Variants in GPR179 observed in about 807,000 individuals in gnomAD.
GPR179 encodes the protein probable G protein-coupled receptor 179.
A neutral mutation model predicts 70.8 loss-of-function variants in GPR179; 52 were observed. The observed-to-expected ratio is 0.73, with a 90% CI of 0.59 to 0.93. The LOEUF (loss-of-function observed/expected upper bound fraction) is 0.93. Ranked by LOEUF, GPR179 falls within the 40% of genes least tolerant of loss-of-function variation. GPR179 has a pLI of 0.00. For synonymous variants in GPR179, 1,123 were observed against 1,169.0 expected, an observed-to-expected ratio of 0.96 and a Z score of 0.80; for missense variants, 2,734 against 2,966.8, an observed-to-expected ratio of 0.92 and a Z score of 1.82.
chr17:38,328,984 T>A lies in GPR179; in HGVS notation c.4585A>T (p.Ser1529Cys), dbSNP rs1482318595. The A allele has an allele frequency of 3.1e-6, 5 of 1,614,054 alleles. No homozygotes were observed. The African/African-American group carries it at 6.7e-5, about 22-fold the overall frequency. The change falls in exon 11 of 11, where the codon AGT becomes TGT. Residue 1529 changes from serine (S) to cysteine (C), a missense_variant. By Grantham distance (112) the Ser-to-Cys change is moderately radical (BLOSUM62 -1). Coordinates refer to ENST00000616987, the MANE Select transcript of GPR179 (RefSeq NM_001004334.4). ...EQTVKAVQKLSQQQESVCPRE... is the reference protein window; with the variant it reads ...EQTVKAVQKLCQQQESVCPRE... Reference sequence around the variant, plus strand: ...GGACAAACTGACTCCTGCTGTTGACTTAATTTCTGCACTGCTTTCACAGTT... The same window carrying A: ...GGACAAACTGACTCCTGCTGTTGACATAATTTCTGCACTGCTTTCACAGTT...
At chr17:38,336,263 C>A in intron 4 of GPR179, 119 bp from the exon 5 acceptor site, 1 of 718,768 alleles carries the variant, frequency 1.4e-6, no homozygotes, top group South Asian at 1.5e-5. Flanking sequence ...GTAACACTGG[C>A]TCTGCCCTCT....
Position 38,326,647 on chromosome 17 carries a change from C to G in GPR179, c.6922G>C (p.Gly2308Arg). Residue 2308 changes from glycine to arginine, a missense_variant, in exon 11 of 11, where the codon GGT becomes CGT. Coordinates refer to ENST00000616987, the MANE Select transcript of GPR179 (RefSeq NM_001004334.4). ...SRPASTFTLE[G>R]VRELQGPSGL... ...GAAGGTCCTTGTAGTTCTCTGACAC[C>G]TTCTAGAGTGAAAGTACTGGCTGGC... 6.2e-7 allele frequency: 1 copy of G among 1,614,192 alleles called. No individual in the cohort carries two copies. The highest frequency in any genetic ancestry group is 1.3e-5 in the African/African-American group (1 of 75,050).
chr17:38,327,065 G>A lies in GPR179; in HGVS notation c.6504C>T (p.His2168=). 6.2e-7 allele frequency: 1 copy of A among 1,614,198 alleles called. No homozygotes were observed. Among genetic ancestry groups the A allele is most frequent in the Non-Finnish European group, 8.5e-7 (1 of 1,180,042 alleles). Residue 2168 remains histidine (H), a synonymous_variant, in exon 11 of 11, where the codon CAC becomes CAT. Coordinates refer to ENST00000616987, the MANE Select transcript of GPR179 (RefSeq NM_001004334.4). ...QKAGPGGTEE[H]FSKAAAKPRE... Reference sequence around the variant, plus strand: ...TGGGCTTTGCTGCTGCTTTTGAGAAGTGTTCTTCCGTCCCTCCAGGTCCTG... The same window carrying A: ...TGGGCTTTGCTGCTGCTTTTGAGAAATGTTCTTCCGTCCCTCCAGGTCCTG...
At chr17:38,337,783 C>CA in intron 2 of GPR179, 63 bp from the exon 3 acceptor site, 1 of 1,445,118 alleles carries the variant, frequency 6.9e-7, no homozygotes, top group Non-Finnish European at 9.7e-7. Flanking sequence ...GCTTTCCCTC[C>CA]TGGGAGAGAT....
In GPR179 at chr17:38,340,691, G is replaced by A. The variant is rs1437053450; in HGVS notation, c.795-1166C>T. Among the ~76,000 whole-genome samples the A allele has an allele frequency of 3.3e-5, 5 of 152,326 alleles. No individual in the cohort carries two copies. In the South Asian group the frequency reaches 6.2e-4, roughly 19 times the overall value. On this transcript the variant is annotated intron_variant, in intron 1 of 10. Transcript: ENST00000616987. ...CCAGCACTTTGGGAGGCCGAGGCAG[G>A]TGCATAATCTGAGACCAGGAGTTCG... is the stretch of plus-strand genomic sequence containing the variant.
Position 38,330,305 on chromosome 17 carries a change from C to T in GPR179, c.3264G>A (p.Gly1088=), listed in dbSNP as rs771279313. The change falls in exon 11 of 11, where the codon GGG becomes GGA. Residue 1088 remains glycine (G), a synonymous_variant. Transcript: ENST00000616987. ...AACGGGTCAGAGCTTTAATCGCCAG[C>T]CCCAGGCTGCGCATGGAACCCTGCT... The part of the protein sequence containing the change: ...PVQQGSMRSL[G]LAIKALTRSR... 7 of 1,612,886 alleles carry T rather than the reference C, an allele frequency of 4.3e-6. No homozygotes were observed. Among genetic ancestry groups the T allele is most frequent in the Non-Finnish European group, 5.1e-6 (6 of 1,179,336 alleles).
Position 38,327,702 on chromosome 17 carries a change from G to A in GPR179, c.5867C>T (p.Ser1956Phe), listed in dbSNP as rs2144255715. 2 of 1,614,234 alleles carry A rather than the reference G, an allele frequency of 1.2e-6. No individual in the cohort carries two copies. The highest frequency in any genetic ancestry group is 1.1e-5 in the South Asian group (1 of 91,092). The change falls in exon 11 of 11, where the codon TCC (serine) becomes TTC (phenylalanine). Residue 1956 changes from serine (S) to phenylalanine (F), a missense_variant. Physicochemically the swap from Ser to Phe is radical, Grantham distance 155. Transcript: ENST00000616987. ...GGCAGTGGTCTCCCATGGACAGACG[G>A]ATTGTAGCTCATGGCTTGTTTTTTC... is the stretch of plus-strand genomic sequence containing the variant. ...DGEKTSHELQ[S>F]VCPWETTAPA... is the part of the protein sequence containing the mutation.
intron 4 of GPR179, among the ~76,000 whole-genome samples, 199 bp from the exon 5 acceptor site, chr17:38,336,343 G>T (rs1219959492): frequency 6.6e-6 from 1 of 152,180 alleles, no homozygotes; most frequent in Non-Finnish European, 1.5e-5. Flanking sequence ...TAAGGCCAAG[G>T]TTTTACATCA....
rs199510603 is a variant in GPR179 at position 38,329,120 on chromosome 17, C to T, written c.4449G>A (p.Leu1483=). 4.8e-5 allele frequency: 77 copies of T among 1,611,020 alleles called. No individual in the cohort carries two copies. The highest frequency in any genetic ancestry group is 6.4e-5 in the Non-Finnish European group (75 of 1,179,140). ...IQKAEICPWE[L]DDNVMGQEML... is the part of the protein sequence containing the mutation. ...TTTCCTGCCCCATCACGTTATCATC[C>T]AGCTCCCAGGGACAGATCTCTGCTT... is the stretch of plus-strand genomic sequence containing the variant. The change falls in exon 11 of 11, where the codon CTG becomes CTA. Residue 1483 remains leucine (L), a synonymous_variant. Coordinates refer to ENST00000616987, the MANE Select transcript of GPR179 (RefSeq NM_001004334.4).
chr17:38,332,404 T>C (rs902480700), intron 10 of GPR179, among the ~76,000 whole-genome samples: 5 of 152,196 alleles, frequency 3.3e-5, no homozygotes, highest in Non-Finnish European at 7.3e-5. Flanking sequence ...TTCTGGTGAC[T>C]ATAATGATCC....
chr17:38,335,659 G>A lies in GPR179; in HGVS notation c.1338C>T (p.Ile446=), dbSNP rs960166683. The change falls in exon 6 of 11, where the codon ATC becomes ATT. Residue 446 remains isoleucine, a synonymous_variant. Transcript: ENST00000616987. ...LYFKPSVFRC[I]ALRWVRLLGF... The stretch of plus-strand genomic sequence containing the variant: ...CCAGCAGCCGCACCCAGCGAAGAGC[G>A]ATGCAGCGGAATACACTGGGCTTGA... 6.8e-6 allele frequency: 11 copies of A among 1,614,016 alleles called. No homozygotes were observed. In the African/African-American group the frequency reaches 8.0e-5, roughly 12 times the overall value.
At position 38,330,809 on chromosome 17, in the gene GPR179, A is replaced by C. The variant is rs1385451781; in HGVS notation, c.2760T>G (p.Leu920=). Residue 920 remains leucine (L), a synonymous_variant, in exon 11 of 11, where the codon CTT becomes CTG. Transcript: ENST00000616987. ...SVDSSHTSGR[L]HEEARRRLPH... is the part of the protein sequence containing the mutation. Reference sequence around the variant, plus strand: ...GCAGCCTTCTCCTAGCCTCCTCATGAAGCCTCCCAGAGGTGTGAGAGCTGT... The same window carrying C: ...GCAGCCTTCTCCTAGCCTCCTCATGCAGCCTCCCAGAGGTGTGAGAGCTGT... 1.9e-6 allele frequency: 3 copies of C among 1,604,838 alleles called. No individual in the cohort carries two copies. In the East Asian group the frequency reaches 6.7e-5, roughly 36 times the overall value.
Position 38,330,674 on chromosome 17 carries a change from C to T in GPR179, c.2895G>A (p.Leu965=), listed in dbSNP as rs200583958. The change falls in exon 11 of 11, where the codon CTG becomes CTA. Residue 965 remains leucine (L), a synonymous_variant. Coordinates refer to ENST00000616987, the MANE Select transcript of GPR179 (RefSeq NM_001004334.4). ...SPTSTLAPAL[L]PALAPTPAPA... The stretch of plus-strand genomic sequence containing the variant: ...GGGCTGGGGTTGGAGCTAGAGCTGG[C>T]AGCAGAGCTGGAGCCAAGGTGGAGG... 247 of 1,601,108 alleles carry T rather than the reference C, an allele frequency of 1.5e-4. No individual in the cohort carries two copies. The African/African-American group carries it at 3.0e-3, about 19-fold the overall frequency.
rs189931659 is a variant in GPR179 at position 38,337,665 on chromosome 17, C to T, written c.959G>A (p.Arg320Gln). 5,181 of 1,613,516 alleles carry T rather than the reference C, an allele frequency of 3.2e-3. 11 individuals carry two copies. The highest frequency in any genetic ancestry group is 3.9e-3 in the Non-Finnish European group (4,644 of 1,179,758). The part of the protein sequence containing the change: ...FVLGRYLCRC[R>Q]PGFYGASPSG... ...GGGGCTTGCCCCGTAGAATCCAGGT[C>T]GGCAGCGGCAGAGGTAGCGGCCAAG... The change falls in exon 3 of 11, where the codon CGA becomes CAA. Residue 320 changes from arginine (R) to glutamine (Q), a missense_variant. Transcript: ENST00000616987.
rs145243201 is a variant in GPR179 at position 38,334,460 on chromosome 17, G to A, written c.1784+244C>T. On this transcript the variant is annotated intron_variant, in intron 8 of 10. Transcript: ENST00000616987. The surrounding 1 kb of genome is among the most constrained non-coding windows in gnomAD (Gnocchi z 4.7). ...GCTGGAGAGGTGCTTTGGGAGGGGTGAGGAGTTAGGAGGAAGGTCCTCTTC... is the reference window on the plus strand; with the variant it reads ...GCTGGAGAGGTGCTTTGGGAGGGGTAAGGAGTTAGGAGGAAGGTCCTCTTC... 6.6e-6 allele frequency among the ~76,000 whole-genome samples: 1 copy of A among 152,246 alleles called. No individual in the cohort carries two copies. The highest frequency in any genetic ancestry group is 2.4e-5 in the African/African-American group (1 of 41,542).
At position 38,343,267 on chromosome 17, in the gene GPR179, G is replaced by A. The variant is rs373911359; in HGVS notation, c.523C>T (p.Leu175=). The A allele has an allele frequency of 6.2e-7, 1 of 1,614,186 alleles. No individual in the cohort carries two copies. The highest frequency in any genetic ancestry group is 8.5e-7 in the Non-Finnish European group (1 of 1,180,018). The change falls in exon 1 of 11, where the codon CTG becomes TTG. Residue 175 remains leucine (L), a synonymous_variant. Coordinates refer to ENST00000616987, the MANE Select transcript of GPR179 (RefSeq NM_001004334.4). This position sits in a 1 kb window ranked among gnomAD's most constrained non-coding sequence, Gnocchi z 4.2. ...QATRTGEETI[L]QDLSGNWVQE... ...ACCCAGTTCCCAGACAAGTCCTGCA[G>A]GATGGTTTCCTCCCCAGTCCGGGTG...
intron 1 of GPR179, among the ~76,000 whole-genome samples, chr17:38,340,149 T>C (rs2037437845): frequency 6.6e-6 from 1 of 152,220 alleles, no homozygotes; most frequent in Non-Finnish European, 1.5e-5. Context: ...TTCTTTTTTT[T>C]TCTTAGACAC....
At chr17:38,332,176 A>C (rs1479025509) in intron 10 of GPR179, among the ~76,000 whole-genome samples, 1 of 152,076 alleles carries the variant, frequency 6.6e-6, no homozygotes, top group East Asian at 1.9e-4. Context: ...CAAGGGGGAA[A>C]CGGGCAGAGG....
rs747499883 is a variant in GPR179 at position 38,330,386 on chromosome 17, C to T, written c.3183G>A (p.Val1061=). The T allele has an allele frequency of 1.2e-5, 20 of 1,612,644 alleles. No individual in the cohort carries two copies. The highest frequency in any genetic ancestry group is 3.3e-4 in the Middle Eastern group (2 of 6,076). Residue 1061 remains valine, a synonymous_variant, in exon 11 of 11, where the codon GTG becomes GTA. Transcript: ENST00000616987. ...DAHHQREAND[V]DEDRPKIFPK... is the part of the protein sequence containing the mutation. ...GGAAGATCTTGGGCCTGTCTTCGTC[C>T]ACATCATTAGCTTCCCTCTGGTGAT...
Sources: gnomAD v4.1 joint callset for allele counts (sites outside exome capture counted in the v4.1 genomes callset) on GRCh38, gnomAD v4.1.1 for gene constraint, Gnocchi (gnomAD v3.1) non-coding constraint, MANE v1.5 for transcripts, NCBI Gene and HGNC (gene_info 2026-07-23, HGNC 2026-07-21) for gene names.